GALNTL6: variants seen among roughly 807,000 people sequenced by gnomAD.
The protein encoded by GALNTL6 is polypeptide N-acetylgalactosaminyltransferase-like 6.
In GALNTL6, 46 loss-of-function variants were observed where a neutral mutation model predicts 73.7. That is an observed-to-expected ratio of 0.62 (90% CI 0.49 to 0.80). The LOEUF is 0.80. Among genes scored for constraint, GALNTL6 ranks in the 30% least tolerant of loss-of-function variants. The pLI is 0.00. For missense variants in GALNTL6, 604 were observed against 755.0 expected, an observed-to-expected ratio of 0.80 and a Z score of 2.34; for synonymous variants, 259 against 263.7, an observed-to-expected ratio of 0.98 and a Z score of 0.17.
chr4:172,644,745 G>C (rs764212719), intron 5 of GALNTL6, among the ~76,000 whole-genome samples: 27 of 151,972 alleles, frequency 1.8e-4, no homozygotes, highest in Admixed American at 1.4e-3. Context: ...AAACAAAAAG[G>C]GGGTGGGTGA....
At chr4:172,958,404 G>A (rs535474397) in intron 10 of GALNTL6, among the ~76,000 whole-genome samples, 11 of 152,298 alleles carry the variant, frequency 7.2e-5, no homozygotes, top group Non-Finnish European at 1.3e-4. Flanking sequence ...GAGAGCTAGG[G>A]TGGGGGTAGT....
intron 5 of GALNTL6, among the ~76,000 whole-genome samples, chr4:172,594,288 T>A (rs969286979): frequency 6.6e-6 from 1 of 152,100 alleles, no homozygotes; most frequent in African/African-American, 2.4e-5. Context: ...GAGGTTGCAG[T>A]GAGCCAAGAT....
In GALNTL6 at chr4:172,859,823, G is replaced by A. The variant is rs143581119; in HGVS notation, c.924-22967G>A. On this transcript the variant is annotated intron_variant, in intron 7 of 12. Coordinates refer to ENST00000506823, the MANE Select transcript of GALNTL6 (RefSeq NM_001034845.3). ...AGGAGTGTGAACCCTATTGTGAACT[G>A]CACATTGAGGGATCTAGGTTGCGTG... Among the ~76,000 whole-genome samples, 129 of 152,192 alleles carry A rather than the reference G, an allele frequency of 8.5e-4. No homozygotes were observed. In the Middle Eastern group the frequency reaches 0.01, roughly 12 times the overall value.
intron 2 of GALNTL6, among the ~76,000 whole-genome samples, chr4:172,127,336 T>C (rs534827717): frequency 6.6e-6 from 1 of 152,332 alleles, no homozygotes; most frequent in Non-Finnish European, 1.5e-5. Flanking sequence ...TGAGTATTGC[T>C]ACTGGGGCCC....
chr4:172,352,587 G>A lies in GALNTL6; in HGVS notation c.553+3898G>A, dbSNP rs138613782. ...GCATCCACATGGAAAATGTTGAAAT[G>A]TGTGAAATGGGCTGGGGCTTAACCT... On this transcript the variant is annotated intron_variant, in intron 5 of 12. Coordinates refer to ENST00000506823, the MANE Select transcript of GALNTL6 (RefSeq NM_001034845.3). 4.6e-3 allele frequency among the ~76,000 whole-genome samples: 696 copies of A among 152,222 alleles called. 3 individuals are homozygous for A. The highest frequency in any genetic ancestry group is 0.011 in the African/African-American group (475 of 41,544).
At chr4:171,935,465 C>T (rs570518962) in intron 2 of GALNTL6, among the ~76,000 whole-genome samples, 7 of 152,074 alleles carry the variant, frequency 4.6e-5, no homozygotes, top group Admixed American at 2.0e-4. Flanking sequence ...AAGAAACACA[C>T]TGACTCTCTT....
intron 2 of GALNTL6, among the ~76,000 whole-genome samples, chr4:172,162,279 G>A (rs1201646089): frequency 1.3e-5 from 2 of 151,556 alleles, no homozygotes; most frequent in East Asian, 3.9e-4. Context: ...CAAAACTGAA[G>A]AGCCAAGTGG....
intron 2 of GALNTL6, among the ~76,000 whole-genome samples, chr4:172,008,247 A>G (rs1740896339): frequency 1.3e-5 from 2 of 152,318 alleles, no homozygotes; most frequent in Admixed American, 1.3e-4. Flanking sequence ...AAATTGAAGC[A>G]TAATTACATT....
intron 5 of GALNTL6, among the ~76,000 whole-genome samples, chr4:172,386,482 A>G (rs1348472026): frequency 6.6e-6 from 1 of 152,146 alleles, no homozygotes; most frequent in African/African-American, 2.4e-5. Flanking sequence ...AGAACTAATA[A>G]GAGAGGGAAA....
chr4:172,185,586 A>T (rs1735392139), intron 2 of GALNTL6, among the ~76,000 whole-genome samples: 1 of 152,354 alleles, frequency 6.6e-6, no homozygotes, highest in South Asian at 2.1e-4. Flanking sequence ...TTGATAAATC[A>T]TCTTTATAAC....
At chr4:172,046,235 T>C (rs1201576921) in intron 2 of GALNTL6, among the ~76,000 whole-genome samples, 2 of 152,110 alleles carry the variant, frequency 1.3e-5, no homozygotes, top group Non-Finnish European at 2.9e-5. Flanking sequence ...ATTTCTTTGA[T>C]ATATTGATTT....
chr4:172,976,094 C>T (rs1047679632), intron 10 of GALNTL6, among the ~76,000 whole-genome samples: 9 of 152,138 alleles, frequency 5.9e-5, no homozygotes, highest in East Asian at 1.9e-4. Flanking sequence ...ACACCTCCCC[C>T]GCTGTAGCTA....
chr4:172,657,207 C>A (rs1266081111), intron 5 of GALNTL6, among the ~76,000 whole-genome samples: 1 of 152,134 alleles, frequency 6.6e-6, no homozygotes, highest in African/African-American at 2.4e-5. Flanking sequence ...TCTTGAAATA[C>A]GCACACAAAA....
intron 5 of GALNTL6, among the ~76,000 whole-genome samples, chr4:172,491,410 G>A (rs1733889230): frequency 6.6e-6 from 1 of 151,920 alleles, no homozygotes; most frequent in African/African-American, 2.4e-5. Context: ...ACATTTTGAT[G>A]ACTAGTTGTG....
intron 6 of GALNTL6, among the ~76,000 whole-genome samples, chr4:172,812,699 T>C (rs910263786): frequency 2.0e-5 from 3 of 152,072 alleles, no homozygotes; most frequent in African/African-American, 7.2e-5. Context: ...TAAGCAGAGG[T>C]TGCATCTTGG....
In GALNTL6 at chr4:171,879,360, A is replaced by G. The variant is rs139527716; in HGVS notation, c.138+64642A>G. Among the ~76,000 whole-genome samples, 726 of 152,256 alleles carry G rather than the reference A, an allele frequency of 4.8e-3. 5 individuals carry two copies. Among genetic ancestry groups the G allele is most frequent in the Middle Eastern group, 0.02 (6 of 294 alleles). Reference sequence around the variant, plus strand: ...ATAGAAGCAGGTTCTTATCCTTACTATTGTGCTTTTTTTCTACATTTTTAT... The same window carrying G: ...ATAGAAGCAGGTTCTTATCCTTACTGTTGTGCTTTTTTTCTACATTTTTAT... On this transcript the variant is annotated intron_variant, in intron 2 of 12. Transcript: ENST00000506823.
chr4:172,158,269 T>G (rs2110782604), intron 2 of GALNTL6, among the ~76,000 whole-genome samples: 1 of 152,302 alleles, frequency 6.6e-6, no homozygotes, highest in Non-Finnish European at 1.5e-5. Context: ...TTATGTGTCA[T>G]GAAATTTTTT....
At chr4:172,744,973 G>T (rs1370579) in intron 5 of GALNTL6, among the ~76,000 whole-genome samples, 47,461 of 151,270 alleles carry the variant, frequency 0.31, 8,061 homozygotes, top group Middle Eastern at 0.47. Flanking sequence ...CATGTTATTT[G>T]ATTTTAGTAT....
At chr4:172,397,994 C>A (rs531050053) in intron 5 of GALNTL6, among the ~76,000 whole-genome samples, 1 of 151,668 alleles carries the variant, frequency 6.6e-6, no homozygotes, top group African/African-American at 2.4e-5. Flanking sequence ...CTTTATTATT[C>A]TTAACTCTTT....
Sources: allele counts gnomAD v4.1 joint callset (sites outside exome capture counted in the v4.1 genomes callset), GRCh38; gene constraint gnomAD v4.1.1; transcripts MANE v1.5; gene names NCBI Gene and HGNC (gene_info 2026-07-23, HGNC 2026-07-21).